The following ATM variants were observed in gnomAD, a reference collection of about 807,000 sequenced individuals.
ATM encodes the protein serine-protein kinase ATM.
A neutral mutation model predicts 387.0 loss-of-function variants in ATM; 308 were observed. The observed-to-expected ratio is 0.80, with a 90% CI of 0.73 to 0.87. The LOEUF is 0.87. Among genes scored for constraint, ATM ranks in the 40% least tolerant of loss-of-function variants. The probability of loss-of-function intolerance (pLI) is 0.00; values close to 1 mark genes in which losing one functional copy is unlikely to be tolerated. For synonymous variants in ATM, 1,156 were observed against 1,187.3 expected (o/e 0.97, Z 0.54); for missense variants, 3,312 against 3,560.9 (o/e 0.93, Z 1.78).
intron 33 of ATM, among the ~76,000 whole-genome samples, chr11:108,297,725 ATAAG>A (rs1179366076): frequency 6.6e-6 from 1 of 152,184 alleles, no homozygotes; most frequent in African/African-American, 2.4e-5. Flanking sequence ...TATCTTCAAA[ATAAG>A]TGAGGGTTTG....
intron 37 of ATM, among the ~76,000 whole-genome samples, chr11:108,307,670 C>T (rs1421142791): frequency 1.3e-5 from 2 of 152,132 alleles, no homozygotes; most frequent in African/African-American, 4.8e-5. Flanking sequence ...AATTAGTCCT[C>T]CTTTGAAATA....
chr11:108,293,919 A>ATATATATATATATATATG (rs1397910875), intron 31 of ATM, among the ~76,000 whole-genome samples: 1 of 117,040 alleles, frequency 8.5e-6, no homozygotes, highest in African/African-American at 3.1e-5. Context: ...ATATATATAT[A>ATATATATATATATATATG]TGTGTGTGTA....
chr11:108,306,574 T>C (rs1009921749), intron 37 of ATM, among the ~76,000 whole-genome samples: 4 of 152,194 alleles, frequency 2.6e-5, no homozygotes, highest in African/African-American at 4.8e-5. Context: ...GTCACAACCA[T>C]TGGAAGGTAA....
chr11:108,279,653 T>C lies in ATM; in HGVS notation c.3402+45T>C. 1 of 1,424,860 alleles carries C rather than the reference T, an allele frequency of 7.0e-7. No individual in the cohort carries two copies. Among genetic ancestry groups the C allele is most frequent in the Non-Finnish European group, 9.9e-7 (1 of 1,009,790 alleles). The allele number at this position is 1,424,860 out of a possible 1,614,324, so 88.3% of individuals were successfully genotyped here. ...ATTTGCTGTTATCATATGCTTGCTA[T>C]GAATATCCCATAAATTACTTCACCA... On this transcript the variant is annotated intron_variant, in intron 23 of 62. Coordinates refer to ENST00000675843, the MANE Select transcript of ATM (RefSeq NM_000051.4).
At chr11:108,295,197 T>C in intron 32 of ATM, 138 bp downstream of exon 32, 1 of 1,167,516 alleles carries the variant, frequency 8.6e-7, no homozygotes, top group East Asian at 2.5e-5. Flanking sequence ...ATTTCTCATC[T>C]AACTGTAAAA....
chr11:108,249,212 C>A, intron 9 of ATM, 110 bp downstream of exon 9: 1 of 1,268,592 alleles, frequency 7.9e-7, no homozygotes, highest in Non-Finnish European at 1.1e-6. Flanking sequence ...AGTCATTTGT[C>A]TACCCCCAAA....
intron 26 of ATM, chr11:108,287,373 G>T (rs1236071202): frequency 8.5e-6 from 3 of 352,508 alleles, no homozygotes; most frequent in Non-Finnish European, 1.5e-5. Context: ...GATTAAGGGG[G>T]CCTTGTTTGG....
At chr11:108,261,273 A>G (rs369735831) in intron 16 of ATM, among the ~76,000 whole-genome samples, 6 of 152,310 alleles carry the variant, frequency 3.9e-5, no homozygotes, top group South Asian at 4.1e-4. Flanking sequence ...CTCCCAGCAC[A>G]CAGCTGGAGA....
chr11:108,277,905 C>G (rs968108768), intron 22 of ATM, among the ~76,000 whole-genome samples: 2 of 152,026 alleles, frequency 1.3e-5, no homozygotes, highest in Admixed American at 1.3e-4. Context: ...TTTACTTCTC[C>G]GTATTCCACT....
intron 34 of ATM, among the ~76,000 whole-genome samples, chr11:108,301,386 T>A (rs2083422941): frequency 6.6e-6 from 1 of 152,240 alleles, no homozygotes. Context: ...CAAGTATTTC[T>A]TGAGTCTTTT....
chr11:108,243,419 C>T (rs1162868481), intron 5 of ATM, among the ~76,000 whole-genome samples: 1 of 152,106 alleles, frequency 6.6e-6, no homozygotes, highest in Non-Finnish European at 1.5e-5. Context: ...TTGAGACCAG[C>T]CTGACCAACA....
chr11:108,352,770 A>G (rs1424097146), intron 59 of ATM, among the ~76,000 whole-genome samples: 1 of 152,254 alleles, frequency 6.6e-6, no homozygotes, highest in Non-Finnish European at 1.5e-5. Flanking sequence ...AATTTGGATG[A>G]ATCTCCAGAG....
At chr11:108,304,643 A>C (rs1256201011) in intron 36 of ATM, 32 bp from the exon 37 acceptor site, 4 of 1,604,544 alleles carry the variant, frequency 2.5e-6, no homozygotes, top group Non-Finnish European at 3.4e-6. Flanking sequence ...TTTTTACTCA[A>C]ACTATTGGGT....
Position 108,368,599 on chromosome 11 carries a change from G to A in ATM, c.*3091G>A, listed in dbSNP as rs886047629. 20 of 218,286 alleles carry A rather than the reference G, an allele frequency of 9.2e-5. No homozygotes were observed. The South Asian group carries it at 1.5e-3, about 16-fold the overall frequency. 13.5% of individuals were successfully genotyped at this position (218,286 alleles called of 1,614,324 possible). A position where few individuals can be genotyped will look rare whatever the true frequency, so the allele number is the denominator to read the frequency against. On this transcript the variant is annotated 3_prime_UTR_variant, in exon 63 of 63. Transcript: ENST00000675843. ...CAGTATCTAACTTGAAAAGATTTCA[G>A]GCGAAAAGAATCTGGGGTTTGCCAG...
intron 13 of ATM, among the ~76,000 whole-genome samples, chr11:108,255,015 T>C (rs2080386262): frequency 6.6e-6 from 1 of 151,378 alleles, no homozygotes; most frequent in Non-Finnish European, 1.5e-5. Flanking sequence ...AGTTAGCATC[T>C]TCTTTATACC....
chr11:108,227,523 T>C (rs1374178350), intron 1 of ATM, 72 bp from the exon 2 acceptor site: 2 of 965,556 alleles, frequency 2.1e-6, no homozygotes, highest in African/African-American at 1.6e-5. Context: ...TACACATTTT[T>C]TCACACCTCT....
At chr11:108,233,010 G>A (rs1215982567) in intron 4 of ATM, among the ~76,000 whole-genome samples, 1 of 152,002 alleles carries the variant, frequency 6.6e-6, no homozygotes, top group Non-Finnish European at 1.5e-5. Context: ...TTACAGGCAT[G>A]CCCCACCATG....
At chr11:108,241,598 A>C (rs967057514) in intron 5 of ATM, among the ~76,000 whole-genome samples, 3 of 152,104 alleles carry the variant, frequency 2.0e-5, no homozygotes, top group Non-Finnish European at 1.5e-5. Context: ...TTTGTCATTG[A>C]ATAGAATGTT....
chr11:108,357,296 G>A (rs1456672797), intron 61 of ATM, among the ~76,000 whole-genome samples: 3 of 152,284 alleles, frequency 2.0e-5, no homozygotes, highest in Middle Eastern at 3.4e-3. Flanking sequence ...AGGGTCCTAC[G>A]CCCACGGAGT....
Sources: gnomAD v4.1 joint callset for allele counts (sites outside exome capture counted in the v4.1 genomes callset) on GRCh38, gnomAD v4.1.1 for gene constraint, MANE v1.5 for transcripts, NCBI Gene and HGNC (gene_info 2026-07-23, HGNC 2026-07-21) for gene names.